The following CLEC16A variants were observed in gnomAD, a reference collection of about 807,000 sequenced individuals.
CLEC16A encodes C-type lectin domain containing 16A, also known as protein CLEC16A.
CLEC16A carries 51 observed loss-of-function variants against 109.5 expected under a neutral mutation model. The ratio of observed to expected loss-of-function variants is 0.47; its 90% CI spans 0.37 to 0.59. The LOEUF is 0.59. Ranked by LOEUF, CLEC16A falls within the 20% of genes least tolerant of loss-of-function variation. CLEC16A has a pLI of 0.00. For synonymous variants in CLEC16A, 673 were observed against 564.2 expected (o/e 1.19, Z -2.73); for missense variants, 1,339 against 1,394.0 (o/e 0.96, Z 0.63).
At chr16:11,097,473 C>A (rs2050670071) in intron 19 of CLEC16A, among the ~76,000 whole-genome samples, 1 of 152,104 alleles carries the variant, frequency 6.6e-6, no homozygotes. Flanking sequence ...TTTTAAAAAG[C>A]TTAGTTCAAT....
In CLEC16A at chr16:11,010,768, G is replaced by A. The variant is rs554171956; in HGVS notation, c.1303+7463G>A. ...TGCAAGGTCCAATCCAGAGGCGGGT[G>A]GTGCCTTCCGTTGTCACGCCTCCAG... On this transcript the variant is annotated intron_variant, in intron 11 of 23. Coordinates refer to ENST00000409790, the MANE Select transcript of CLEC16A (RefSeq NM_015226.3). 1.4e-4 allele frequency among the ~76,000 whole-genome samples: 21 copies of A among 152,280 alleles called. 2 individuals are homozygous for A. The South Asian group carries it at 4.1e-3, about 30-fold the overall frequency.
intron 19 of CLEC16A, among the ~76,000 whole-genome samples, chr16:11,079,099 C>T (rs1402817240): frequency 6.6e-6 from 1 of 152,188 alleles, no homozygotes; most frequent in Non-Finnish European, 1.5e-5. Flanking sequence ...CATGTGTGCT[C>T]AGAAGGTAGC....
chr16:11,129,566 C>CT (rs2053052800), intron 22 of CLEC16A, among the ~76,000 whole-genome samples: 1 of 152,222 alleles, frequency 6.6e-6, no homozygotes, highest in East Asian at 1.9e-4. Flanking sequence ...CCAGACCACA[C>CT]TTTGAGACCC....
intron 22 of CLEC16A, among the ~76,000 whole-genome samples, chr16:11,131,847 A>G (rs2053227990): frequency 6.6e-6 from 1 of 151,996 alleles, no homozygotes; most frequent in Non-Finnish European, 1.5e-5. Flanking sequence ...TCTGCAGATG[A>G]CACAATCCAG....
chr16:11,176,468 TCACACCTGTG>T (rs2068751248), intron 23 of CLEC16A, among the ~76,000 whole-genome samples: 1 of 152,144 alleles, frequency 6.6e-6, no homozygotes. Flanking sequence ...GCACGGTGGT[TCACACCTGTG>T]CACATCCCAG....
chr16:11,125,934 CTA>C, intron 21 of CLEC16A, 43 bp from the exon 22 acceptor site: 3 of 791,742 alleles, frequency 3.8e-6, no homozygotes, highest in Non-Finnish European at 5.3e-6. Flanking sequence ...CCACCCCCCT[CTA>C]TCCCACATGC....
intron 22 of CLEC16A, among the ~76,000 whole-genome samples, chr16:11,159,000 G>A (rs1450133638): frequency 1.3e-5 from 2 of 151,764 alleles, no homozygotes; most frequent in Non-Finnish European, 2.9e-5. Flanking sequence ...TGGCTTCGCT[G>A]GCTTGGGGTT....
At chr16:11,075,202 C>T (rs1461688180) in intron 19 of CLEC16A, among the ~76,000 whole-genome samples, 1 of 152,176 alleles carries the variant, frequency 6.6e-6, no homozygotes, top group Non-Finnish European at 1.5e-5. Flanking sequence ...TTTGATTTCT[C>T]ACAAAGGAAG....
chr16:11,053,372 A>G (rs2048048494), intron 18 of CLEC16A, among the ~76,000 whole-genome samples: 2 of 145,460 alleles, frequency 1.4e-5, no homozygotes, highest in Non-Finnish European at 3.0e-5. Flanking sequence ...CAGAGGAAGA[A>G]TTTTTTTTTT....
rs114306043 is a variant in CLEC16A at position 11,038,049 on chromosome 16, C to T, written c.1538-1705C>T. The stretch of plus-strand genomic sequence containing the variant: ...CCCACATTTGTGGGGCGTTTTGGGG[C>T]ATGAGAGAGACTACTACCCTACTCA... On this transcript the variant is annotated intron_variant, in intron 13 of 23. Transcript: ENST00000409790. Among the ~76,000 whole-genome samples the T allele has an allele frequency of 9.7e-3, 1,483 of 152,244 alleles. 30 individuals are homozygous for T. Among genetic ancestry groups the T allele is most frequent in the African/African-American group, 0.034 (1,409 of 41,514 alleles).
At chr16:11,140,121 TC>T (rs2053754593) in intron 22 of CLEC16A, among the ~76,000 whole-genome samples, 1 of 152,210 alleles carries the variant, frequency 6.6e-6, no homozygotes, top group Admixed American at 6.5e-5. Context: ...TTCTTTCTCT[TC>T]CTGCTAAGTT....
At chr16:11,105,179 G>T (rs757524554) in intron 19 of CLEC16A, among the ~76,000 whole-genome samples, 4 of 152,208 alleles carry the variant, frequency 2.6e-5, no homozygotes, top group Non-Finnish European at 5.9e-5. Context: ...GCAGAGATAA[G>T]TGTGGTCACC....
chr16:11,018,173 G>C (rs547423692), intron 11 of CLEC16A, among the ~76,000 whole-genome samples: 1 of 151,786 alleles, frequency 6.6e-6, no homozygotes, highest in African/African-American at 2.4e-5. Context: ...CGGGTGTGCT[G>C]GCATGTACCT....
At chr16:11,114,155 G>C (rs919886250) in intron 19 of CLEC16A, among the ~76,000 whole-genome samples, 3 of 150,910 alleles carry the variant, frequency 2.0e-5, no homozygotes, top group African/African-American at 7.3e-5. Context: ...GTGTGTGTGT[G>C]TGTGTGTGTG....
chr16:11,164,451 C>T (rs2054832680), intron 22 of CLEC16A, among the ~76,000 whole-genome samples: 1 of 152,216 alleles, frequency 6.6e-6, no homozygotes, highest in African/African-American at 2.4e-5. Context: ...CTAAGCTGAG[C>T]CGCAGGTCCC....
intron 10 of CLEC16A, among the ~76,000 whole-genome samples, chr16:10,996,568 C>T (rs2044340953): frequency 6.6e-6 from 1 of 152,224 alleles, no homozygotes; most frequent in Non-Finnish European, 1.5e-5. Flanking sequence ...TCAGTCATTT[C>T]CTCCTCTATC....
At chr16:10,975,887 A>G (rs2146502479) in intron 7 of CLEC16A, among the ~76,000 whole-genome samples, 1 of 152,222 alleles carries the variant, frequency 6.6e-6, no homozygotes, top group South Asian at 2.1e-4. Context: ...CCTGACCTAA[A>G]GCAATCTGCC....
chr16:11,175,853 G>A (rs1052840368), intron 23 of CLEC16A, among the ~76,000 whole-genome samples: 37 of 152,246 alleles, frequency 2.4e-4, no homozygotes, highest in Non-Finnish European at 2.9e-4. Context: ...AGCAGGGAAC[G>A]AAGTTGGCCA....
At chr16:11,057,002 T>TA (rs1273381153) in intron 18 of CLEC16A, 2 of 152,264 alleles carry the variant, frequency 1.3e-5, no homozygotes, top group African/African-American at 4.8e-5. Flanking sequence ...CTTCCAGTAT[T>TA]ACATTATTTT....
Sources: allele counts gnomAD v4.1 joint callset (sites outside exome capture counted in the v4.1 genomes callset), GRCh38; gene constraint gnomAD v4.1.1; transcripts MANE v1.5; gene names NCBI Gene and HGNC (gene_info 2026-07-23, HGNC 2026-07-21).